The following OPN3 variants were observed in gnomAD, a reference collection of about 807,000 sequenced individuals.
OPN3 encodes opsin-3.
In OPN3, 29 loss-of-function variants were observed where a neutral mutation model predicts 33.8. The ratio of observed to expected loss-of-function variants is 0.86; its 90% confidence interval spans 0.64 to 1.17. The LOEUF is 1.17. Ranked by LOEUF, OPN3 falls within the 50% of genes most tolerant of loss-of-function variation. OPN3 has a pLI of 0.00. For synonymous variants in OPN3, 216 were observed against 216.1 expected (o/e 1.00, Z 0.00); for missense variants, 437 against 514.1 (o/e 0.85, Z 1.45).
At position 241,594,374 on chromosome 1, in the gene OPN3, G is replaced by A. The variant is rs1663430484; in HGVS notation, c.*54C>T. Reference sequence around the variant, plus strand: ...ATTCCAGACACTTCTTATGATGAAAGTCCAAAAGTGGCATCCAATTTAAGG... The same window carrying A: ...ATTCCAGACACTTCTTATGATGAAAATCCAAAAGTGGCATCCAATTTAAGG... On this transcript the variant is annotated 3_prime_UTR_variant, in exon 4 of 4. Coordinates refer to ENST00000366554, the MANE Select transcript of OPN3 (RefSeq NM_014322.3). The A allele has an allele frequency of 6.4e-6, 10 of 1,567,462 alleles. No homozygotes were observed. The highest frequency in any genetic ancestry group is 1.4e-5 in the African/African-American group (1 of 74,050).
Position 241,640,060 on chromosome 1 carries a change from G to C in OPN3, c.195C>G (p.Leu65=), listed in dbSNP as rs1665060627. ...TGCGGAGCCGCTGGAACTTGTAGTAGAGGACGAGCACCAGCAGGTTGTTGC... is the reference window on the plus strand; with the variant it reads ...TGCGGAGCCGCTGGAACTTGTAGTACAGGACGAGCACCAGCAGGTTGTTGC... The part of the protein sequence containing the change: ...GVGNNLLVLV[L]YYKFQRLRTP... The change falls in exon 1 of 4, where the codon CTC becomes CTG. Residue 65 remains leucine, a synonymous_variant. Transcript: ENST00000366554. The C allele has an allele frequency of 6.2e-7, 1 of 1,612,658 alleles. No individual in the cohort carries two copies. The highest frequency in any genetic ancestry group is 8.5e-7 in the Non-Finnish European group (1 of 1,179,470).
In OPN3 at chr1:241,640,050, A is replaced by G. The variant is rs1483807678; in HGVS notation, c.205T>C (p.Phe69Leu). Reference sequence around the variant, plus strand: ...TGAGTGGGAGTGCGGAGCCGCTGGAACTTGTAGTAGAGGACGAGCACCAGC... The same window carrying G: ...TGAGTGGGAGTGCGGAGCCGCTGGAGCTTGTAGTAGAGGACGAGCACCAGC... ...NLLVLVLYYK[F>L]QRLRTPTHLL... The change falls in exon 1 of 4, where the codon TTC (phenylalanine) becomes CTC (leucine). Residue 69 changes from phenylalanine (F) to leucine (L), a missense_variant. Physicochemically the swap from Phe to Leu is conservative, Grantham distance 22. Coordinates refer to ENST00000366554, the MANE Select transcript of OPN3 (RefSeq NM_014322.3). 11 of 1,612,750 alleles carry G rather than the reference A, an allele frequency of 6.8e-6. No individual in the cohort carries two copies. Among genetic ancestry groups the G allele is most frequent in the Admixed American group, 1.7e-5 (1 of 59,906 alleles).
In OPN3 at chr1:241,635,117, A is replaced by T. The variant is rs754142169; in HGVS notation, c.373+4765T>A. The T allele has an allele frequency of 9.3e-6, 15 of 1,612,850 alleles. No individual in the cohort carries two copies. The Middle Eastern group carries it at 8.2e-4, about 89-fold the overall frequency. ...TTCTTTAACTATTTGAGAGTAAGTA[A>T]TCCTATTTCTAATTGGTTCATCGGC... On this transcript the variant is annotated intron_variant, in intron 1 of 3. Coordinates refer to ENST00000366554, the MANE Select transcript of OPN3 (RefSeq NM_014322.3).
At chr1:241,619,939 A>G (rs1308452210) in intron 1 of OPN3, among the ~76,000 whole-genome samples, 1 of 152,224 alleles carries the variant, frequency 6.6e-6, no homozygotes, top group Non-Finnish European at 1.5e-5. Flanking sequence ...GTCATAAAAT[A>G]TGGTCCTTGA....
At chr1:241,639,178 T>C (rs933180688) in intron 1 of OPN3, 5 of 152,246 alleles carry the variant, frequency 3.3e-5, no homozygotes, top group Non-Finnish European at 7.3e-5. Flanking sequence ...ACAGTATTTG[T>C]TCACCTGAGA....
At chr1:241,601,789 G>A (rs983690246) in intron 2 of OPN3, among the ~76,000 whole-genome samples, 10 of 152,116 alleles carry the variant, frequency 6.6e-5, no homozygotes, top group African/African-American at 1.2e-4. Context: ...GATAAGAACT[G>A]ATCAATAGTT....
At chr1:241,621,031 C>T (rs1369391058) in intron 1 of OPN3, among the ~76,000 whole-genome samples, 1 of 152,100 alleles carries the variant, frequency 6.6e-6, no homozygotes, top group African/African-American at 2.4e-5. Context: ...TTGGATTCAC[C>T]TTAAATCCCT....
chr1:241,621,092 A>C, intron 1 of OPN3, among the ~76,000 whole-genome samples: 1 of 152,242 alleles, frequency 6.6e-6, no homozygotes, highest in East Asian at 1.9e-4. Context: ...GAAATACATA[A>C]GTGTGAATTT....
chr1:241,615,341 G>A (rs926171923), intron 1 of OPN3, among the ~76,000 whole-genome samples: 2 of 151,988 alleles, frequency 1.3e-5, no homozygotes, highest in Admixed American at 6.6e-5. Flanking sequence ...GGAGGCATAC[G>A]CTTTGTTTCC....
intron 1 of OPN3, chr1:241,629,091 T>C (rs1482669549): frequency 6.6e-6 from 1 of 152,644 alleles, no homozygotes; most frequent in Non-Finnish European, 1.5e-5. Flanking sequence ...AATGGCTATA[T>C]AACATTCTGT....
At chr1:241,630,191 TGG>T (rs1382628084) in intron 1 of OPN3, 1 of 152,052 alleles carries the variant, frequency 6.6e-6, no homozygotes, top group African/African-American at 2.4e-5. Context: ...AGTATACAAC[TGG>T]TAAGTAGTGA....
chr1:241,605,409 CAG>C (rs751902678), intron 1 of OPN3, among the ~76,000 whole-genome samples: 6 of 152,192 alleles, frequency 3.9e-5, no homozygotes, highest in Non-Finnish European at 7.3e-5. Context: ...GGATTGCTGA[CAG>C]GGGTCAGGGG....
intron 1 of OPN3, chr1:241,631,342 T>C (rs957797612): frequency 6.6e-6 from 1 of 152,120 alleles, no homozygotes; most frequent in Non-Finnish European, 1.5e-5. Flanking sequence ...GAATAATCTG[T>C]GATACTGAAA....
chr1:241,630,755 A>G (rs1189937863), intron 1 of OPN3: 1 of 152,092 alleles, frequency 6.6e-6, no homozygotes, highest in East Asian at 1.9e-4. Context: ...CTATTAAATC[A>G]TTGCCAGAGA....
chr1:241,629,551 T>C (rs965571223), intron 1 of OPN3: 9 of 152,130 alleles, frequency 5.9e-5, no homozygotes, highest in African/African-American at 2.2e-4. Context: ...CCATGTGTAA[T>C]GCAAATAGCT....
chr1:241,625,068 A>T (rs1664376875), intron 1 of OPN3, among the ~76,000 whole-genome samples: 1 of 152,246 alleles, frequency 6.6e-6, no homozygotes, highest in Non-Finnish European at 1.5e-5. Context: ...AAACTGGGAC[A>T]CGGTTCATGC....
At chr1:241,635,338 G>C in intron 1 of OPN3, 1 of 1,613,914 alleles carries the variant, frequency 6.2e-7, no homozygotes, top group Non-Finnish European at 8.5e-7. Flanking sequence ...ACGATAACTG[G>C]CTTTCTTCAG....
intron 1 of OPN3, chr1:241,633,695 T>C (rs532153671): frequency 8.1e-7 from 1 of 1,233,310 alleles, no homozygotes; most frequent in South Asian, 1.4e-5. Context: ...ATTCATCATA[T>C]ATAACCACTT....
Position 241,630,174 on chromosome 1 carries a change from T to TC in OPN3, c.373+9707dup, listed in dbSNP as rs150584159. 539 of 152,200 alleles carry TC rather than the reference T, an allele frequency of 3.5e-3. 4 individuals carry two copies. Among genetic ancestry groups the TC allele is most frequent in the African/African-American group, 0.012 (518 of 41,564 alleles). 9.4% of individuals were successfully genotyped at this position (152,200 alleles called of 1,614,324 possible). On this transcript the variant is annotated intron_variant, in intron 1 of 3. Coordinates refer to ENST00000366554, the MANE Select transcript of OPN3 (RefSeq NM_014322.3). ...GTGAAATAGATACTAGGAGTGACTT[T>TC]CCCAAGAGTATACAACTGGTAAGTA...
Sources: allele counts gnomAD v4.1 joint callset (sites outside exome capture counted in the v4.1 genomes callset), GRCh38; gene constraint gnomAD v4.1.1; transcripts MANE v1.5; gene names NCBI Gene and HGNC (gene_info 2026-07-23, HGNC 2026-07-21).